Variants in FGF13 observed in about 807,000 individuals in gnomAD.
FGF13 encodes fibroblast growth factor 13.
Under a neutral mutation model 19.5 loss-of-function variants are expected in FGF13, and 2 were observed. The observed-to-expected ratio is 0.10, with a 90% CI of 0.04 to 0.32. The LOEUF (loss-of-function observed/expected upper bound fraction) is 0.32, where lower values mean the gene tolerates loss of function less well. Among genes scored for constraint, FGF13 ranks in the 10% least tolerant of loss-of-function variants. The pLI, the probability that FGF13 is intolerant of heterozygous loss-of-function variation, is 1.00. For missense variants in FGF13, 113 were observed against 192.7 expected (o/e 0.59, Z 2.45); for synonymous variants, 72 against 76.9 (o/e 0.94, Z 0.33).
At chrX:139,204,132 T>G, upstream of FGF13, 1 of 1,203,410 alleles carries the variant, frequency 8.3e-7, no homozygotes, top group Non-Finnish European at 1.1e-6. Context: ...TTGACAAGGT[T>G]CGCTCAGAAG....
chrX:138,976,299 T>C lies in FGF13; in HGVS notation c.-112-111649A>G, dbSNP rs557355289. On this transcript the variant is annotated intron_variant, in intron 1 of 2. Transcript: ENST00000421460. ...TGCAAAGACATACAACAAACCTACG[T>C]GTCCATCAACCAATGAGTGGATAAA... Among the ~76,000 whole-genome samples the C allele has an allele frequency of 2.1e-4, 24 of 111,742 alleles. No individual in the cohort carries two copies. In the South Asian group the frequency reaches 8.7e-3, roughly 41 times the overall value.
At chrX:138,937,744 G>A (rs1475214087) in intron 1 of FGF13, among the ~76,000 whole-genome samples, 1 of 111,691 alleles carries the variant, frequency 9.0e-6, no homozygotes, top group Non-Finnish European at 1.9e-5. Flanking sequence ...GAACAATTTA[G>A]AAACAAAAAA....
At chrX:139,012,116 A>G (rs75015661) in intron 1 of FGF13, among the ~76,000 whole-genome samples, 2 of 111,648 alleles carry the variant, frequency 1.8e-5, no homozygotes, top group Admixed American at 1.9e-4. Context: ...AAAATAAAAT[A>G]CTTAGGAATA....
chrX:139,064,448 G>A lies in FGF13; in HGVS notation c.-113+138968C>T, dbSNP rs1163430761. Among the ~76,000 whole-genome samples the A allele has an allele frequency of 8.7e-5, 7 of 80,627 alleles. No individual in the cohort carries two copies. In the East Asian group the frequency reaches 1.7e-3, roughly 19 times the overall value. The allele number at this position is 80,627 out of a possible 115,157, so 70.0% of individuals were successfully genotyped here. ...CTCCCGAGTAGCTGGGACTACAGGC[G>A]CCCGCCACCGCGCCCGGCTAATTTT... On this transcript the variant is annotated intron_variant, in intron 1 of 2. Transcript: ENST00000421460.
chrX:138,668,982 T>C (rs1358022637), intron 3 of FGF13, among the ~76,000 whole-genome samples: 1 of 111,003 alleles, frequency 9.0e-6, no homozygotes, highest in Non-Finnish European at 1.9e-5. Flanking sequence ...GGCTGAATAA[T>C]TAAGAATTAG....
chrX:139,021,957 C>T (rs1296113864), intron 1 of FGF13, among the ~76,000 whole-genome samples: 1 of 111,983 alleles, frequency 8.9e-6, no homozygotes, highest in Admixed American at 9.5e-5. Flanking sequence ...TGTTAAGAGA[C>T]GTCAGTGACC....
At chrX:138,832,886 T>C in intron 3 of FGF13, among the ~76,000 whole-genome samples, 1 of 112,210 alleles carries the variant, frequency 8.9e-6, no homozygotes, top group Middle Eastern at 4.6e-3. Flanking sequence ...ATATGGCTAG[T>C]CATTTATCCC....
intron 1 of FGF13, among the ~76,000 whole-genome samples, chrX:139,058,103 G>T (rs1204823181): frequency 9.0e-6 from 1 of 111,397 alleles, no homozygotes; most frequent in Non-Finnish European, 1.9e-5. Context: ...TGATTTTCTG[G>T]GGGAATATTA....
Position 138,920,390 on chromosome X carries a change from G to T in FGF13, c.-112-55740C>A, listed in dbSNP as rs760732604. 8.1e-4 allele frequency among the ~76,000 whole-genome samples: 90 copies of T among 110,998 alleles called. 1 individual carries two copies. Among genetic ancestry groups the T allele is most frequent in the Non-Finnish European group, 1.1e-3 (57 of 52,884 alleles). On this transcript the variant is annotated intron_variant, in intron 1 of 2. Transcript: ENST00000421460. ...ACATAACTCACCTGGCATATACTAT[G>T]AATGGAATAATGACTGGTATGAATT... is the stretch of plus-strand genomic sequence containing the variant.
intron 3 of FGF13, among the ~76,000 whole-genome samples, chrX:138,819,517 G>A (rs1228398254): frequency 9.0e-6 from 1 of 111,442 alleles, no homozygotes; most frequent in Non-Finnish European, 1.9e-5. Context: ...TCTGAGATTT[G>A]TATGCTCTTG....
intron 3 of FGF13, among the ~76,000 whole-genome samples, chrX:138,798,588 T>A (rs2090799271): frequency 8.9e-6 from 1 of 111,739 alleles, no homozygotes; most frequent in Non-Finnish European, 1.9e-5. Context: ...ATAAAATGAG[T>A]TCGGGAGGAG....
chrX:138,945,062 C>T (rs1028362570), intron 1 of FGF13, among the ~76,000 whole-genome samples: 5 of 108,738 alleles, frequency 4.6e-5, no homozygotes, highest in Non-Finnish European at 7.6e-5. Flanking sequence ...GGTGAGGTGT[C>T]GAGCATATAA....
chrX:138,899,657 G>A (rs1446772787), intron 1 of FGF13, among the ~76,000 whole-genome samples: 1 of 111,537 alleles, frequency 9.0e-6, no homozygotes, highest in Non-Finnish European at 1.9e-5. Context: ...TCAAAACTAT[G>A]TACATGATGG....
rs201229168 is a variant in FGF13 at position 138,632,894 on chromosome X, C to G, written c.694G>C (p.Val232Leu). 1 of 1,208,449 alleles carries G rather than the reference C, an allele frequency of 8.3e-7. No homozygotes were observed. Among genetic ancestry groups the G allele is most frequent in the African/African-American group, 1.8e-5 (1 of 56,907 alleles). ...TPTKSRSVSGVLNGGKSMSHN... is the reference protein window; with the variant it reads ...TPTKSRSVSGLLNGGKSMSHN... ...CTCATGGATTTGCCTCCGTTCAGCACGCCAGAGACACTTCTGCTCTTGGTT... is the reference window on the plus strand; with the variant it reads ...CTCATGGATTTGCCTCCGTTCAGCAGGCCAGAGACACTTCTGCTCTTGGTT... Residue 232 changes from valine to leucine, a missense_variant, in exon 5 of 5, where the codon GTG (valine) becomes CTG (leucine). This residue lies in a region of FGF13 where 43 missense variants were observed against 41.4 expected (regional missense o/e 1.04). Transcript: ENST00000315930.
At position 139,005,745 on chromosome X, in the gene FGF13, C is replaced by CAA. The variant is rs201318240; in HGVS notation, c.-112-141097_-112-141096dup. Reference sequence around the variant, plus strand: ...GATAAATTAAAAATATTGAAATAAACAAAAAAAAACCAGAAATTCTAAAGT... The same window carrying CAA: ...GATAAATTAAAAATATTGAAATAAACAAAAAAAAAAACCAGAAATTCTAAAGT... On this transcript the variant is annotated intron_variant, in intron 1 of 2. Coordinates refer to the FGF13 transcript ENST00000421460. Among the ~76,000 whole-genome samples, 168 of 103,714 alleles carry CAA rather than the reference C, an allele frequency of 1.6e-3. 1 individual carries two copies. The highest frequency in any genetic ancestry group is 5.7e-3 in the African/African-American group (161 of 28,392). 90.1% of individuals were successfully genotyped at this position (103,714 alleles called of 115,157 possible).
rs757201797 is a variant in FGF13 at position 139,196,347 on chromosome X, A to G, written c.-113+7069T>C. 4.3e-4 allele frequency among the ~76,000 whole-genome samples: 48 copies of G among 111,955 alleles called. 1 individual carries two copies. Among genetic ancestry groups the G allele is most frequent in the Admixed American group, 3.9e-3 (41 of 10,558 alleles). Reference sequence around the variant, plus strand: ...AATGAAAGACACAGTCACCTGGCCAATGTCCTGTAGCAGTGGTTCAAGAGG... The same window carrying G: ...AATGAAAGACACAGTCACCTGGCCAGTGTCCTGTAGCAGTGGTTCAAGAGG... On this transcript the variant is annotated intron_variant, in intron 1 of 2. Transcript: ENST00000421460.
intron 1 of FGF13, among the ~76,000 whole-genome samples, chrX:139,120,822 G>T (rs780393169): frequency 8.9e-4 from 101 of 112,885 alleles, no homozygotes; most frequent in African/African-American, 3.0e-3. Flanking sequence ...TTAAGTCCCT[G>T]CCTCCTTAGC....
intron 3 of FGF13, among the ~76,000 whole-genome samples, chrX:138,795,897 C>T (rs2090774224): frequency 9.0e-6 from 1 of 111,354 alleles, no homozygotes; most frequent in South Asian, 3.8e-4. Flanking sequence ...AAGCACTGAT[C>T]ACTGAGGTTG....
chrX:139,028,708 TGAGAGAGAGAGAGAGC>T (rs2092213965), intron 1 of FGF13, among the ~76,000 whole-genome samples: 2 of 60,410 alleles, frequency 3.3e-5, no homozygotes, highest in South Asian at 8.6e-4. Context: ...TGTGTGTGTG[TGAGAGAGAGAGAGAGC>T]GTGTGTGTGT....
Sources: allele counts gnomAD v4.1 joint callset (sites outside exome capture counted in the v4.1 genomes callset), GRCh38; gene constraint gnomAD v4.1.1; regional missense constraint gnomAD v4.1.1; transcripts MANE v1.5; gene names NCBI Gene and HGNC (gene_info 2026-07-23, HGNC 2026-07-21).